The following DNAJC10 variants were observed in gnomAD, a reference collection of about 807,000 sequenced individuals.
DNAJC10 encodes DnaJ heat shock protein family (Hsp40) member C10.
DNAJC10 carries 101 observed loss-of-function variants against 115.0 expected under a neutral mutation model. That is an observed-to-expected ratio of 0.88 (90% confidence interval 0.75 to 1.04). The LOEUF (loss-of-function observed/expected upper bound fraction) is 1.04, where lower values mean the gene tolerates loss of function less well. Ranked by LOEUF, DNAJC10 falls within the 50% of genes least tolerant of loss-of-function variation. The pLI is 0.00. For synonymous variants in DNAJC10, 307 were observed against 301.5 expected (o/e 1.02, Z -0.19); for missense variants, 981 against 928.8 (o/e 1.06, Z -0.73).
intron 7 of DNAJC10, chr2:182,729,236 C>T (rs897302842): frequency 5.8e-6 from 2 of 344,558 alleles, no homozygotes; most frequent in South Asian, 3.1e-5. Context: ...GCAACCTCTG[C>T]CTCCTGGGCT....
At chr2:182,776,498 C>A (rs1393336304) in intron 23 of DNAJC10, among the ~76,000 whole-genome samples, 1 of 152,070 alleles carries the variant, frequency 6.6e-6, no homozygotes, top group African/African-American at 2.4e-5. Context: ...TGAGGTATCT[C>A]GGATTCTTTC....
chr2:182,732,499 ATTGT>A lies in DNAJC10; in HGVS notation c.810_813del (p.Cys270Ter), dbSNP rs1559002306. 16 of 1,613,426 alleles carry A rather than the reference ATTGT, an allele frequency of 9.9e-6. No homozygotes were observed. Among genetic ancestry groups the A allele is most frequent in the Non-Finnish European group, 1.4e-5 (16 of 1,179,522 alleles). Reference sequence around the variant, plus strand: ...CCTCATAAGGTTTTTTTGTCCCCAGATTGTTTGACTTCACAGACACGACTCAGGC... The same window carrying A: ...CCTCATAAGGTTTTTTTGTCCCCAGATTGACTTCACAGACACGACTCAGGC... On this transcript the variant is annotated frameshift_variant and splice_region_variant, in exon 10 of 24. Coordinates refer to ENST00000264065, the MANE Select transcript of DNAJC10 (RefSeq NM_018981.4). LOFTEE classifies it high-confidence loss of function.
chr2:182,740,429 C>T (rs758032434), intron 12 of DNAJC10, 41 bp downstream of exon 12: 26 of 1,518,738 alleles, frequency 1.7e-5, no homozygotes, highest in African/African-American at 5.7e-5. Flanking sequence ...AATGAATGTT[C>T]GTAACATTTC....
intron 1 of DNAJC10, 47 bp from the exon 2 acceptor site, chr2:182,716,969 T>G (rs1224604707): frequency 6.6e-6 from 1 of 152,258 alleles, no homozygotes; most frequent in Non-Finnish European, 1.5e-5. Flanking sequence ...ATGGTTGTTT[T>G]CTTGTTTGGA....
rs1230965014 is a variant in DNAJC10 at position 182,778,944 on chromosome 2, A to G, written c.*1812A>G. 2.0e-5 allele frequency: 3 copies of G among 152,248 alleles called. No homozygotes were observed. Among genetic ancestry groups the G allele is most frequent in the Non-Finnish European group, 4.4e-5 (3 of 68,058 alleles). 9.4% of individuals were successfully genotyped at this position (152,248 alleles called of 1,614,324 possible). On this transcript the variant is annotated 3_prime_UTR_variant, in exon 24 of 24. Coordinates refer to ENST00000264065, the MANE Select transcript of DNAJC10 (RefSeq NM_018981.4). ...CACACTGGACACTGAGGAGTGTTCA[A>G]AAGGAATCTAAGACATGGTCCCCAT...
chr2:182,785,642 GAA>G lies in DNAJC10; in HGVS notation c.*8514_*8515del, dbSNP rs1270306001. ...GGACAAATGGTATGATTTCTTTAAT[GAA>G]AAAGACAGAGAAAGGTATCGTATAG... is the stretch of plus-strand genomic sequence containing the variant. On this transcript the variant is annotated 3_prime_UTR_variant, in exon 24 of 24. Transcript: ENST00000264065. The G allele has an allele frequency of 1.3e-5, 2 of 152,020 alleles. No individual in the cohort carries two copies. Among genetic ancestry groups the G allele is most frequent in the African/African-American group, 4.8e-5 (2 of 41,404 alleles). 9.4% of individuals were successfully genotyped at this position (152,020 alleles called of 1,614,324 possible).
intron 16 of DNAJC10, among the ~76,000 whole-genome samples, chr2:182,754,331 G>A (rs1214958395): frequency 6.6e-6 from 1 of 152,138 alleles, no homozygotes; most frequent in African/African-American, 2.4e-5. Flanking sequence ...AACTTTAAGA[G>A]TGCAAAGTTC....
rs369375869 is a variant in DNAJC10, at chr2:182,729,902, A to G, written c.688A>G (p.Met230Val). 3.3e-5 allele frequency: 53 copies of G among 1,610,384 alleles called. No individual in the cohort carries two copies. The highest frequency in any genetic ancestry group is 3.3e-4 in the Middle Eastern group (2 of 6,070). ...AAAGGAGAGTTTAGTGAGTTTTGCA[A>G]TGCAGCATGTTAGAAGTACAGTGAC... is the stretch of plus-strand genomic sequence containing the variant. The part of the protein sequence containing the change: ...RSKESLVSFA[M>V]QHVRSTVTEL... The change falls in exon 8 of 24, where the codon ATG becomes GTG. Residue 230 changes from methionine to valine, a missense_variant. Transcript: ENST00000264065.
intron 23 of DNAJC10, among the ~76,000 whole-genome samples, chr2:182,776,540 A>T: frequency 6.6e-6 from 1 of 152,238 alleles, no homozygotes; most frequent in East Asian, 1.9e-4. Flanking sequence ...AAAATAGCTC[A>T]GCCTCTGGAA....
chr2:182,718,359 G>C, intron 3 of DNAJC10, 69 bp downstream of exon 3: 1 of 1,227,116 alleles, frequency 8.1e-7, no homozygotes, highest in Non-Finnish European at 1.1e-6. Flanking sequence ...TATTTAAATT[G>C]CTTTAAATGA....
rs1012604528 is a variant in DNAJC10, at chr2:182,782,645, T to C, written c.*5513T>C. 6 of 152,192 alleles carry C rather than the reference T, an allele frequency of 3.9e-5. No homozygotes were observed. Among genetic ancestry groups the C allele is most frequent in the Non-Finnish European group, 2.9e-5 (2 of 68,038 alleles). The allele number at this position is 152,192 out of a possible 1,614,324, so 9.4% of individuals were successfully genotyped here. A position where few individuals can be genotyped will look rare whatever the true frequency, so the allele number is the denominator to read the frequency against. On this transcript the variant is annotated 3_prime_UTR_variant, in exon 24 of 24. Coordinates refer to ENST00000264065, the MANE Select transcript of DNAJC10 (RefSeq NM_018981.4). ...AGAGGTCCTTCACGTCCCTTGTAAG[T>C]TGTATTCCTAGGTATTTAATTCTCT...
chr2:182,777,261 GAATTA>G lies in DNAJC10; in HGVS notation c.*130_*134del. On this transcript the variant is annotated 3_prime_UTR_variant, in exon 24 of 24. Coordinates refer to ENST00000264065, the MANE Select transcript of DNAJC10 (RefSeq NM_018981.4). The stretch of plus-strand genomic sequence containing the variant: ...TCTTAGACTTGCAGTTGTACTGCCA[GAATTA>G]TCTACAGCACTGGTGTAAAAGAAGG... 1 of 548,160 alleles carries G rather than the reference GAATTA, an allele frequency of 1.8e-6. No individual in the cohort carries two copies. Among genetic ancestry groups the G allele is most frequent in the Non-Finnish European group, 3.0e-6 (1 of 337,790 alleles). 34.0% of individuals were successfully genotyped at this position (548,160 alleles called of 1,614,324 possible).
At chr2:182,737,681 T>G (rs1489865916) in intron 11 of DNAJC10, among the ~76,000 whole-genome samples, 2 of 152,194 alleles carry the variant, frequency 1.3e-5, no homozygotes, top group Admixed American at 1.3e-4. Flanking sequence ...AATATCTTCC[T>G]TAGGATATTA....
intron 21 of DNAJC10, among the ~76,000 whole-genome samples, chr2:182,762,105 T>C (rs1029731267): frequency 6.7e-6 from 1 of 150,256 alleles, no homozygotes; most frequent in Non-Finnish European, 1.5e-5. Context: ...ACGACTAAAA[T>C]GTTGCCAAAT....
chr2:182,764,837 C>T (rs1372157054), intron 22 of DNAJC10, among the ~76,000 whole-genome samples: 1 of 152,108 alleles, frequency 6.6e-6, no homozygotes. Flanking sequence ...GCTTGTTTCC[C>T]TTTTACTTGT....
At chr2:182,724,706 C>T (rs1265194216) in intron 5 of DNAJC10, among the ~76,000 whole-genome samples, 2 of 152,148 alleles carry the variant, frequency 1.3e-5, no homozygotes, top group African/African-American at 4.8e-5. Context: ...TATTAACAGA[C>T]AGTAGCTGTA....
Position 182,792,661 on chromosome 2 carries a change from T to G in DNAJC10, c.*15529T>G, listed in dbSNP as rs1476418849. On this transcript the variant is annotated 3_prime_UTR_variant, in exon 24 of 24. Transcript: ENST00000264065. The stretch of plus-strand genomic sequence containing the variant: ...CAAACCAGTTTATCTGCAAGAGAAG[T>G]GTGTGAAGTTAGACTCAATTCTTCC... 6.6e-6 allele frequency: 1 copy of G among 152,190 alleles called. No individual in the cohort carries two copies. The highest frequency in any genetic ancestry group is 6.5e-5 in the Admixed American group (1 of 15,284). 9.4% of individuals were successfully genotyped at this position (152,190 alleles called of 1,614,324 possible).
chr2:182,719,923 A>G, intron 3 of DNAJC10, 84 bp from the exon 4 acceptor site: 2 of 760,938 alleles, frequency 2.6e-6, no homozygotes, highest in Non-Finnish European at 4.1e-6. Flanking sequence ...AAGTTACTAG[A>G]TTAATTAAAC....
Position 182,778,717 on chromosome 2 carries a change from TG to T in DNAJC10, c.*1587del. ...TCTGCTGTATGCCTGTTGGCATATA[TG>T]GAACAGTCACCACTTGTCACACTTA... On this transcript the variant is annotated 3_prime_UTR_variant, in exon 24 of 24. Coordinates refer to ENST00000264065, the MANE Select transcript of DNAJC10 (RefSeq NM_018981.4). The T allele has an allele frequency of 6.6e-6, 1 of 152,366 alleles. No homozygotes were observed. The highest frequency in any genetic ancestry group is 2.1e-4 in the South Asian group (1 of 4,832). 9.4% of individuals were successfully genotyped at this position (152,366 alleles called of 1,614,324 possible).
Sources: gnomAD v4.1 joint callset for allele counts (sites outside exome capture counted in the v4.1 genomes callset) on GRCh38, gnomAD v4.1.1 for gene constraint, MANE v1.5 for transcripts, NCBI Gene and HGNC (gene_info 2026-07-23, HGNC 2026-07-21) for gene names.